RFX8: variants seen among roughly 807,000 people sequenced by gnomAD.
RFX8 encodes the protein regulatory factor X8.
RFX8 carries 46 observed loss-of-function variants against 54.6 expected under a neutral mutation model. That is an observed-to-expected ratio of 0.84 (90% CI 0.67 to 1.08). RFX8 has a LOEUF of 1.08. Ranked by LOEUF, RFX8 falls within the 50% of genes least tolerant of loss-of-function variation. The pLI is 0.00. For missense variants in RFX8, 536 were observed against 562.3 expected (o/e 0.95, Z 0.47); for synonymous variants, 192 against 209.5 (o/e 0.92, Z 0.72).
chr2:101,437,085 T>C (rs991827658), intron 2 of RFX8, among the ~76,000 whole-genome samples: 3 of 152,216 alleles, frequency 2.0e-5, no homozygotes, highest in African/African-American at 7.2e-5. Context: ...GGATTCTCCT[T>C]GATTTATTAT....
At chr2:101,407,069 T>G (rs1685781636) in intron 9 of RFX8, among the ~76,000 whole-genome samples, 1 of 152,256 alleles carries the variant, frequency 6.6e-6, no homozygotes, top group Admixed American at 6.5e-5. Flanking sequence ...CAAATGCATC[T>G]GTTGATATGC....
intron 2 of RFX8, among the ~76,000 whole-genome samples, chr2:101,448,195 GAAAC>G (rs1688494187): frequency 6.6e-6 from 1 of 152,198 alleles, no homozygotes; most frequent in African/African-American, 2.4e-5. Flanking sequence ...CAGCAGGACA[GAAAC>G]AAACAAAGCT....
chr2:101,410,391 T>TCACA (rs5832965), intron 9 of RFX8, among the ~76,000 whole-genome samples: 33,767 of 119,430 alleles, frequency 0.28, 4,253 homozygotes, highest in South Asian at 0.46. Flanking sequence ...ATGCCCACAC[T>TCACA]CACACACACA....
At chr2:101,468,613 C>T (rs1481345811) in intron 1 of RFX8, among the ~76,000 whole-genome samples, 1 of 151,898 alleles carries the variant, frequency 6.6e-6, no homozygotes, top group Non-Finnish European at 1.5e-5. Context: ...ATTTTCTTAT[C>T]AACATACCAG....
chr2:101,443,175 AG>A (rs1261249445), intron 2 of RFX8, among the ~76,000 whole-genome samples: 3 of 152,092 alleles, frequency 2.0e-5, no homozygotes, highest in Non-Finnish European at 4.4e-5. Context: ...GGGGGATGCA[AG>A]ATGCTCTGCT....
rs1195406568 is a variant in RFX8 at position 101,422,400 on chromosome 2, G to C, written c.145C>G (p.Leu49Val). The change falls in exon 3 of 12, where the codon CTG becomes GTG. Residue 49 changes from leucine to valine, a missense_variant. Transcript: ENST00000428343. The part of the protein sequence containing the change: ...PLSEFRRCPF[L>V]EQEQAKKYSC... ...TATTTCTTTGCCTGTTCTTGCTCCA[G>C]AAATGGACATCTCCTGAATTCAGAC... 5.2e-5 allele frequency: 80 copies of C among 1,548,912 alleles called. No individual in the cohort carries two copies. Among genetic ancestry groups the C allele is most frequent in the Non-Finnish European group, 6.5e-5 (74 of 1,144,536 alleles).
intron 2 of RFX8, among the ~76,000 whole-genome samples, chr2:101,464,039 A>T (rs2148991317): frequency 6.6e-6 from 1 of 152,326 alleles, no homozygotes; most frequent in East Asian, 1.9e-4. Flanking sequence ...CTCACTCAGG[A>T]GCTGAGGAAG....
intron 9 of RFX8, among the ~76,000 whole-genome samples, 157 bp downstream of exon 9, chr2:101,410,462 A>G (rs983130213): frequency 6.6e-6 from 1 of 151,214 alleles, no homozygotes; most frequent in African/African-American, 2.4e-5. Flanking sequence ...CACCTGCTAC[A>G]GAGTTCGAGG....
chr2:101,455,374 T>C (rs1018793498), intron 2 of RFX8, among the ~76,000 whole-genome samples: 11 of 152,208 alleles, frequency 7.2e-5, no homozygotes, highest in African/African-American at 2.7e-4. Context: ...CTTTAATCCA[T>C]CTTGAGTTAA....
intron 1 of RFX8, among the ~76,000 whole-genome samples, chr2:101,473,866 G>A (rs922804733): frequency 3.9e-5 from 6 of 152,192 alleles, no homozygotes; most frequent in Non-Finnish European, 8.8e-5. Context: ...CCCTGGCAAG[G>A]CCCAGGAGCT....
intron 2 of RFX8, among the ~76,000 whole-genome samples, chr2:101,453,932 G>T (rs1688830466): frequency 1.3e-5 from 2 of 152,028 alleles, no homozygotes; most frequent in African/African-American, 4.8e-5. Flanking sequence ...AAGTTCTAGG[G>T]TACATGTGCA....
intron 5 of RFX8, 145 bp downstream of exon 5, chr2:101,418,705 TC>T: frequency 1.6e-6 from 1 of 638,870 alleles, no homozygotes; most frequent in Middle Eastern, 4.2e-4. Context: ...TAGGCAGAGA[TC>T]AGAGGGCTCC....
chr2:101,439,749 G>A (rs555913695), intron 2 of RFX8, among the ~76,000 whole-genome samples: 3 of 149,340 alleles, frequency 2.0e-5, no homozygotes, highest in Admixed American at 6.7e-5. Flanking sequence ...TTTCACTTTT[G>A]TCACCCAGGC....
At chr2:101,424,794 C>T (rs147480888) in intron 2 of RFX8, among the ~76,000 whole-genome samples, 187 of 152,274 alleles carry the variant, frequency 1.2e-3, no homozygotes, top group African/African-American at 4.3e-3. Flanking sequence ...CATGTTCTCA[C>T]TCATAGGTGA....
At chr2:101,412,846 A>G (rs779497596) in intron 8 of RFX8, 69 bp downstream of exon 8, 2 of 1,412,546 alleles carry the variant, frequency 1.4e-6, no homozygotes, top group Non-Finnish European at 1.9e-6. Flanking sequence ...TCATGAGTTA[A>G]CGATGGCCAT....
At chr2:101,423,663 A>C (rs1686999606) in intron 2 of RFX8, among the ~76,000 whole-genome samples, 1 of 152,080 alleles carries the variant, frequency 6.6e-6, no homozygotes, top group Non-Finnish European at 1.5e-5. Context: ...CCTAAGCCTC[A>C]CTAAGCTACT....
At chr2:101,450,473 G>A in intron 2 of RFX8, 2 of 564,638 alleles carry the variant, frequency 3.5e-6, no homozygotes, top group South Asian at 4.9e-5. Context: ...AGCGGTTCTT[G>A]TGCCCCAGCC....
intron 1 of RFX8, among the ~76,000 whole-genome samples, chr2:101,471,011 G>A (rs1689953702): frequency 6.9e-6 from 1 of 145,156 alleles, no homozygotes; most frequent in Non-Finnish European, 1.5e-5. Flanking sequence ...GAGCCACCGC[G>A]CCCGGCCTCT....
Position 101,469,109 on chromosome 2 carries a change from T to TATATAC in RFX8, c.-52-2210_-52-2209insGTATAT, listed in dbSNP as rs1558897018. ...ATATATATAAGTATATATATATAAG[T>TATATAC]GTATATATATATAAGTATATATATA... On this transcript the variant is annotated intron_variant, in intron 1 of 11. Transcript: ENST00000428343. 1.9e-4 allele frequency among the ~76,000 whole-genome samples: 5 copies of TATATAC among 26,050 alleles called. No homozygotes were observed. In the East Asian group the frequency reaches 4.2e-3, roughly 22 times the overall value. The allele number at this position is 26,050 out of a possible 152,430, so 17.1% of individuals were successfully genotyped here.
Sources: allele counts gnomAD v4.1 joint callset (sites outside exome capture counted in the v4.1 genomes callset), GRCh38; gene constraint gnomAD v4.1.1; transcripts MANE v1.5; gene names NCBI Gene and HGNC (gene_info 2026-07-23, HGNC 2026-07-21).